The following GAD1 variants were observed in gnomAD, a reference collection of about 807,000 sequenced individuals.
GAD1 encodes glutamate decarboxylase 1.
A neutral mutation model predicts 75.2 loss-of-function variants in GAD1; 35 were observed. The ratio of observed to expected loss-of-function variants is 0.47; its 90% CI spans 0.36 to 0.62. The LOEUF is 0.62. GAD1 is among the 20% of genes least tolerant of loss of function. The probability of loss-of-function intolerance (pLI) is 0.00; values close to 1 mark genes in which losing one functional copy is unlikely to be tolerated. For synonymous variants in GAD1, 257 were observed against 271.9 expected (o/e 0.95, Z 0.54); for missense variants, 490 against 758.5 (o/e 0.65, Z 4.16).
chr2:170,849,353 A>G lies in GAD1; in HGVS notation c.1184+3A>G, dbSNP rs1197535612. 2.5e-6 allele frequency: 4 copies of G among 1,613,960 alleles called. No individual in the cohort carries two copies. Among genetic ancestry groups the G allele is most frequent in the Non-Finnish European group, 3.4e-6 (4 of 1,179,988 alleles). Reference sequence around the variant, plus strand: ...CATAAACTCAACGGCATAGAAAGGTAACGGCCAGAACTCGCCAGGCCTCCT... The same window carrying G: ...CATAAACTCAACGGCATAGAAAGGTGACGGCCAGAACTCGCCAGGCCTCCT... On this transcript the variant is annotated splice_donor_region_variant and intron_variant, in intron 12 of 16. Coordinates refer to ENST00000358196, the MANE Select transcript of GAD1 (RefSeq NM_000817.3).
chr2:170,817,939 T>TAA (rs1429210563), intron 1 of GAD1: 3 of 152,874 alleles, frequency 2.0e-5, no homozygotes, highest in African/African-American at 4.8e-5. Context: ...AGGGAGAACG[T>TAA]AAAGATATGG....
chr2:170,818,721 G>A lies in GAD1; in HGVS notation c.82+48G>A. ...ATCAAATGAACTGCAGGGAAGATGGGGGCGCTGGGACGTCGGGAGGCTGAG... is the reference window on the plus strand; with the variant it reads ...ATCAAATGAACTGCAGGGAAGATGGAGGCGCTGGGACGTCGGGAGGCTGAG... On this transcript the variant is annotated intron_variant, in intron 2 of 16. Coordinates refer to ENST00000358196, the MANE Select transcript of GAD1 (RefSeq NM_000817.3). The surrounding 1 kb of genome is among the most constrained non-coding windows in gnomAD (Gnocchi z 5.9). 6.4e-7 allele frequency: 1 copy of A among 1,574,478 alleles called. No homozygotes were observed. The highest frequency in any genetic ancestry group is 8.7e-7 in the Non-Finnish European group (1 of 1,143,850).
rs765252442 is a variant in GAD1 at position 170,858,818 on chromosome 2, C to T, written c.1536C>T (p.Asn512=). The change falls in exon 16 of 17, where the codon AAC becomes AAT. Residue 512 remains asparagine, a synonymous_variant. Transcript: ENST00000358196. ...MVFNGEPEHT[N]VCFWYIPQSL... The stretch of plus-strand genomic sequence containing the variant: ...AATCTCTGCAGCCTGAGCACACAAA[C>T]GTCTGTTTTTGGTATATTCCACAAA... 9.3e-6 allele frequency: 15 copies of T among 1,614,000 alleles called. No individual in the cohort carries two copies. The highest frequency in any genetic ancestry group is 8.8e-5 in the South Asian group (8 of 91,080).
intron 14 of GAD1, 76 bp from the exon 15 acceptor site, chr2:170,856,942 C>A: frequency 1.8e-6 from 2 of 1,122,686 alleles, no homozygotes; most frequent in Non-Finnish European, 2.7e-6. Flanking sequence ...TTCCCATAGA[C>A]AGGGACAGCA....
chr2:170,818,241 A>G lies in GAD1; in HGVS notation c.-63-288A>G. On this transcript the variant is annotated intron_variant, in intron 1 of 16. Coordinates refer to ENST00000358196, the MANE Select transcript of GAD1 (RefSeq NM_000817.3). The surrounding 1 kb of genome is among the most constrained non-coding windows in gnomAD (Gnocchi z 5.9). ...GCCTTGGACCCCCACCCCGACCCCG[A>G]CCCCGCCTCGTCTCGGCGCTTCACT... 8.2e-6 allele frequency: 2 copies of G among 242,782 alleles called. No homozygotes were observed. Among genetic ancestry groups the G allele is most frequent in the South Asian group, 3.8e-5 (1 of 25,980 alleles). The allele number at this position is 242,782 out of a possible 1,614,324, so 15.0% of individuals were successfully genotyped here. A position where few individuals can be genotyped will look rare whatever the true frequency, so the allele number is the denominator to read the frequency against.
chr2:170,837,355 G>A (rs1056780850), intron 6 of GAD1, among the ~76,000 whole-genome samples: 2 of 152,178 alleles, frequency 1.3e-5, no homozygotes, highest in Non-Finnish European at 2.9e-5. Flanking sequence ...TACTGATACA[G>A]TATATATTCT....
At chr2:170,823,095 T>C (rs1043222889) in intron 3 of GAD1, among the ~76,000 whole-genome samples, 1 of 152,238 alleles carries the variant, frequency 6.6e-6, no homozygotes, top group African/African-American at 2.4e-5. Flanking sequence ...TAAAATTCTC[T>C]AGCCTTATCG....
At chr2:170,829,447 T>C (rs1575430151) in intron 3 of GAD1, 28 bp from the exon 4 acceptor site, 1 of 1,611,940 alleles carries the variant, frequency 6.2e-7, no homozygotes, top group African/African-American at 1.3e-5. Flanking sequence ...TTTGCAGCAC[T>C]CTCTCTGACC....
chr2:170,824,701 C>A (rs781163277), intron 3 of GAD1, among the ~76,000 whole-genome samples: 8 of 152,200 alleles, frequency 5.3e-5, no homozygotes, highest in Non-Finnish European at 8.8e-5. Flanking sequence ...AGAATTAGCT[C>A]TGGAGGCAGA....
intron 6 of GAD1, among the ~76,000 whole-genome samples, chr2:170,837,420 G>A (rs758862169): frequency 1.3e-5 from 2 of 152,170 alleles, no homozygotes; most frequent in Non-Finnish European, 2.9e-5. Context: ...ACTTGTTTGT[G>A]TAGGCAAAGC....
upstream of GAD1, chr2:170,816,488 A>G (rs1226319421): frequency 6.6e-6 from 1 of 151,996 alleles, no homozygotes; most frequent in African/African-American, 2.4e-5. Flanking sequence ...CTCGTCTCCT[A>G]CAATATATGG....
rs1702799186 is a variant in GAD1 at position 170,853,959 on chromosome 2, C to T, written c.1350C>T (p.Asp450=). 1 of 1,613,954 alleles carries T rather than the reference C, an allele frequency of 6.2e-7. No homozygotes were observed. The highest frequency in any genetic ancestry group is 1.1e-5 in the South Asian group (1 of 91,076). Residue 450 remains aspartate, a synonymous_variant, in exon 14 of 17, where the codon GAC becomes GAT. Coordinates refer to ENST00000358196, the MANE Select transcript of GAD1 (RefSeq NM_000817.3). The surrounding 1 kb of genome is among the most constrained non-coding windows in gnomAD (Gnocchi z 4.1). ...ATGATGTCTCCTACGACACCGGGGA[C>T]AAGGCAATTCAGTGTGGCCGCCACG... The part of the protein sequence containing the change: ...KQYDVSYDTG[D]KAIQCGRHVD...
At chr2:170,852,107 T>C (rs1447508073) in intron 12 of GAD1, among the ~76,000 whole-genome samples, 1 of 152,200 alleles carries the variant, frequency 6.6e-6, no homozygotes, top group East Asian at 1.9e-4. Flanking sequence ...GGCCCTGGAC[T>C]TGAATCCAGG....
chr2:170,814,644 T>C (rs1223649431), upstream of GAD1, among the ~76,000 whole-genome samples: 1 of 152,180 alleles, frequency 6.6e-6, no homozygotes, highest in Non-Finnish European at 1.5e-5. Flanking sequence ...TAAATATTCG[T>C]TTAATCAATT....
chr2:170,820,688 G>T lies in GAD1; in HGVS notation c.83-1399G>T, dbSNP rs377507320. ...CTACATCAAAGGGGCTCTCTCGCTT[G>T]CTCTCCCCGTCTCCCTTTCCCTTTC... On this transcript the variant is annotated intron_variant, in intron 2 of 16. Coordinates refer to ENST00000358196, the MANE Select transcript of GAD1 (RefSeq NM_000817.3). Among the ~76,000 whole-genome samples the T allele has an allele frequency of 1.2e-4, 19 of 152,312 alleles. No individual in the cohort carries two copies. The East Asian group carries it at 2.7e-3, about 22-fold the overall frequency.
In GAD1 at chr2:170,845,489, T is replaced by G; in HGVS notation, c.752-17T>G. The G allele has an allele frequency of 6.2e-7, 1 of 1,607,572 alleles. No homozygotes were observed. Among genetic ancestry groups the G allele is most frequent in the Non-Finnish European group, 8.5e-7 (1 of 1,175,110 alleles). On this transcript the variant is annotated splice_polypyrimidine_tract_variant and intron_variant, in intron 7 of 16. Coordinates refer to ENST00000358196, the MANE Select transcript of GAD1 (RefSeq NM_000817.3). ...CAAAGAGCCCCAACACCTCCCAATA[T>G]GTCCGCTTGCTGACAGGGGGCGCCA...
At chr2:170,847,950 T>C (rs1437006484) in intron 11 of GAD1, among the ~76,000 whole-genome samples, 158 bp downstream of exon 11, 1 of 152,154 alleles carries the variant, frequency 6.6e-6, no homozygotes, top group Non-Finnish European at 1.5e-5. Context: ...TCACAACTGG[T>C]ACACACCACA....
At chr2:170,821,498 T>C (rs45510198) in intron 2 of GAD1, among the ~76,000 whole-genome samples, 10 of 152,202 alleles carry the variant, frequency 6.6e-5, no homozygotes, top group Admixed American at 5.9e-4. Context: ...CACTCCCCGG[T>C]CTGACTGAAG....
At chr2:170,831,638 A>G (rs925878012) in intron 5 of GAD1, among the ~76,000 whole-genome samples, 14 of 100,890 alleles carry the variant, frequency 1.4e-4, no homozygotes, top group South Asian at 1.1e-3. Flanking sequence ...GTGTGTGTAT[A>G]TACCTATTTT....
Sources: gnomAD v4.1 joint callset for allele counts (sites outside exome capture counted in the v4.1 genomes callset) on GRCh38, gnomAD v4.1.1 for gene constraint, Gnocchi (gnomAD v3.1) non-coding constraint, MANE v1.5 for transcripts, NCBI Gene and HGNC (gene_info 2026-07-23, HGNC 2026-07-21) for gene names.